The following HNF1B variants were observed in gnomAD, a reference collection of about 807,000 sequenced individuals.
The protein encoded by HNF1B is hepatocyte nuclear factor 1-beta.
In HNF1B, 8 loss-of-function variants were observed where a neutral mutation model predicts 61.7. That is an observed-to-expected ratio of 0.13 (90% CI 0.08 to 0.23). The LOEUF (loss-of-function observed/expected upper bound fraction) is 0.23. HNF1B is among the 10% of genes least tolerant of loss of function. The pLI, the probability that HNF1B is intolerant of heterozygous loss-of-function variation, is 1.00. For synonymous variants in HNF1B, 314 were observed against 287.7 expected (o/e 1.09, Z -0.93); for missense variants, 562 against 714.5 (o/e 0.79, Z 2.43).
intron 1 of HNF1B, 29 bp from the exon 2 acceptor site, chr17:37,739,668 C>CTAG (rs1266183127): frequency 6.4e-7 from 1 of 1,555,906 alleles, no homozygotes; most frequent in African/African-American, 1.4e-5. Context: ...GGTTAGGGTA[C>CTAG]TAGTGGGAGA....
chr17:37,688,380 AACACACACACACAC>A lies in HNF1B; in HGVS notation c.1654-1002_1654-989del, dbSNP rs5820230. ...GGCTTATTCTCTCAAGATCCCCCCA[AACACACACACACAC>A]ACACACACACACACACACACACACA... is the stretch of plus-strand genomic sequence containing the variant. On this transcript the variant is annotated intron_variant, in intron 8 of 8. Coordinates refer to ENST00000617811, the MANE Select transcript of HNF1B (RefSeq NM_000458.4). 1.3e-4 allele frequency among the ~76,000 whole-genome samples: 18 copies of A among 136,180 alleles called. No homozygotes were observed. In the East Asian group the frequency reaches 2.4e-3, roughly 18 times the overall value. 89.3% of individuals were successfully genotyped at this position (136,180 alleles called of 152,430 possible).
chr17:37,732,842 TTTTTTTG>T lies in HNF1B; in HGVS notation c.809+708_809+714del, dbSNP rs549160007. ...AAAATAACACAGAGTTGTTTTTTTGTTTTTTTGTTTTTTTTTTAAATAGAGATAGGGT... is the reference window on the plus strand; with the variant it reads ...AAAATAACACAGAGTTGTTTTTTTGTTTTTTTTTTTAAATAGAGATAGGGT... On this transcript the variant is annotated intron_variant, in intron 3 of 8. Transcript: ENST00000617811. 1.5e-3 allele frequency among the ~76,000 whole-genome samples: 180 copies of T among 123,592 alleles called. 1 individual carries two copies. Among genetic ancestry groups the T allele is most frequent in the African/African-American group, 5.8e-3 (167 of 28,788 alleles). The allele number at this position is 123,592 out of a possible 152,430, so 81.1% of individuals were successfully genotyped here.
intron 2 of HNF1B, among the ~76,000 whole-genome samples, chr17:37,736,382 T>A (rs2033833408): frequency 6.6e-6 from 1 of 152,236 alleles, no homozygotes; most frequent in South Asian, 2.1e-4. Context: ...CCAAATCCTC[T>A]AAATATATTC....
At chr17:37,743,250 G>A (rs1318373291) in intron 1 of HNF1B, among the ~76,000 whole-genome samples, 1 of 152,154 alleles carries the variant, frequency 6.6e-6, no homozygotes, top group East Asian at 1.9e-4. Flanking sequence ...GGCAGCCCTG[G>A]CGCCCCAGCC....
chr17:37,716,282 T>C (rs972001154), intron 4 of HNF1B, among the ~76,000 whole-genome samples: 8 of 152,102 alleles, frequency 5.3e-5, no homozygotes, highest in Non-Finnish European at 1.0e-4. Context: ...ACGGCAACCT[T>C]CGCCTCCCGG....
At position 37,733,685 on chromosome 17, in the gene HNF1B, G is replaced by C; in HGVS notation, c.681C>G (p.Thr227=). The change falls in exon 3 of 9, where the codon ACC becomes ACG. Residue 227 remains threonine (T), a synonymous_variant. Coordinates refer to ENST00000617811, the MANE Select transcript of HNF1B (RefSeq NM_000458.4). ...ACCGGTTGCGGCGCATCTTCTTGTT[G>C]GTGGGCTCAGAGCAGGCATCATCGG... ...GQSDDACSEP[T]NKKMRRNRFK... is the part of the protein sequence containing the mutation. The C allele has an allele frequency of 6.2e-7, 1 of 1,614,164 alleles. No individual in the cohort carries two copies. The highest frequency in any genetic ancestry group is 1.1e-5 in the South Asian group (1 of 91,078).
intron 4 of HNF1B, among the ~76,000 whole-genome samples, chr17:37,721,309 G>A (rs896092226): frequency 2.6e-5 from 4 of 152,258 alleles, no homozygotes; most frequent in East Asian, 1.9e-4. Context: ...TTCCTGAAAC[G>A]GGGAAGGAGC....
At chr17:37,741,222 AAATT>A (rs1343382469) in intron 1 of HNF1B, among the ~76,000 whole-genome samples, 2 of 152,216 alleles carry the variant, frequency 1.3e-5, no homozygotes, top group Non-Finnish European at 2.9e-5. Flanking sequence ...ATGTCAAATA[AAATT>A]AATTCTGTTT....
At chr17:37,691,968 T>G (rs2032218812) in intron 8 of HNF1B, among the ~76,000 whole-genome samples, 1 of 151,682 alleles carries the variant, frequency 6.6e-6, no homozygotes, top group African/African-American at 2.4e-5. Context: ...GAGAGAACAC[T>G]GTGGAAACAG....
intron 5 of HNF1B, among the ~76,000 whole-genome samples, chr17:37,709,146 C>T (rs960187311): frequency 1.3e-5 from 2 of 152,214 alleles, no homozygotes; most frequent in Non-Finnish European, 2.9e-5. Flanking sequence ...TTGCCAGTGT[C>T]GTAATGCTCC....
At chr17:37,709,432 T>G (rs946347586) in intron 5 of HNF1B, among the ~76,000 whole-genome samples, 2 of 151,840 alleles carry the variant, frequency 1.3e-5, no homozygotes, top group South Asian at 4.2e-4. Context: ...GTATTTTTTT[T>G]TTAATAGAGA....
At chr17:37,699,799 T>A (rs1048087436) in intron 7 of HNF1B, among the ~76,000 whole-genome samples, 2 of 152,152 alleles carry the variant, frequency 1.3e-5, no homozygotes, top group African/African-American at 4.8e-5. Flanking sequence ...TGTGAGATGG[T>A]GCTCAGAAAC....
chr17:37,744,612 G>A lies in HNF1B; in HGVS notation c.273C>T (p.Ile91=), dbSNP rs1284719939. 2.5e-6 allele frequency: 4 copies of A among 1,610,380 alleles called. No individual in the cohort carries two copies. Among genetic ancestry groups the A allele is most frequent in the Non-Finnish European group, 3.4e-6 (4 of 1,179,982 alleles). ...EDGDDYDTPP[I]LKELQALNTE... ...TGTTGAGCGCCTGCAGCTCCTTGAG[G>A]ATGGGAGGTGTGTCATAGTCGTCGC... The change falls in exon 1 of 9, where the codon ATC becomes ATT. Residue 91 remains isoleucine, a synonymous_variant. Transcript: ENST00000617811.
At chr17:37,733,184 C>G (rs1045948520) in intron 3 of HNF1B, among the ~76,000 whole-genome samples, 1 of 152,100 alleles carries the variant, frequency 6.6e-6, no homozygotes, top group Non-Finnish European at 1.5e-5. Flanking sequence ...TTTCGCTTCC[C>G]AAGTATCATA....
chr17:37,693,650 A>C (rs1414179297), intron 8 of HNF1B, among the ~76,000 whole-genome samples: 1 of 152,188 alleles, frequency 6.6e-6, no homozygotes, highest in African/African-American at 2.4e-5. Flanking sequence ...TTTGACCAAG[A>C]AATCCTTCTC....
At chr17:37,723,541 G>A (rs1489008508) in intron 4 of HNF1B, among the ~76,000 whole-genome samples, 3 of 152,034 alleles carry the variant, frequency 2.0e-5, no homozygotes, top group Non-Finnish European at 4.4e-5. Context: ...AATGCCTTAC[G>A]GCACTCAATA....
At chr17:37,743,090 G>A (rs1414714987) in intron 1 of HNF1B, among the ~76,000 whole-genome samples, 1 of 152,056 alleles carries the variant, frequency 6.6e-6, no homozygotes, top group Non-Finnish European at 1.5e-5. Context: ...AGCCCGGCGC[G>A]GGGCTGGGTG....
chr17:37,726,540 G>A (rs1210457039), intron 4 of HNF1B, among the ~76,000 whole-genome samples: 1 of 152,158 alleles, frequency 6.6e-6, no homozygotes, highest in African/African-American at 2.4e-5. Context: ...TCAGTGCCAG[G>A]GAAAACAACA....
intron 4 of HNF1B, chr17:37,720,795 G>A: frequency 1.0e-6 from 1 of 985,320 alleles, no homozygotes; most frequent in African/African-American, 1.7e-5. Flanking sequence ...TACATACAGA[G>A]CAAGGTGTTC....
Sources: allele counts gnomAD v4.1 joint callset (sites outside exome capture counted in the v4.1 genomes callset), GRCh38; gene constraint gnomAD v4.1.1; transcripts MANE v1.5; gene names NCBI Gene and HGNC (gene_info 2026-07-23, HGNC 2026-07-21).